The following CDC42 variants were observed in gnomAD, a reference collection of about 807,000 sequenced individuals.
The protein encoded by CDC42 is cell division cycle 42.
Under a neutral mutation model 20.8 loss-of-function variants are expected in CDC42, and 1 was observed. That is an observed-to-expected ratio of 0.05 (90% CI 0.02 to 0.23). The LOEUF (loss-of-function observed/expected upper bound fraction) is 0.23, where lower values mean the gene tolerates loss of function less well. Ranked by LOEUF, CDC42 falls within the 10% of genes least tolerant of loss-of-function variation. The probability of loss-of-function intolerance (pLI) is 1.00; values close to 1 mark genes in which losing one functional copy is unlikely to be tolerated. For missense variants in CDC42, 49 were observed against 227.9 expected, an observed-to-expected ratio of 0.21 and a Z score of 5.05; for synonymous variants, 72 against 84.8, an observed-to-expected ratio of 0.85 and a Z score of 0.83.
intron 1 of CDC42, chr1:22,059,381 C>G (rs1645338197): frequency 6.6e-6 from 1 of 152,130 alleles, no homozygotes; most frequent in Non-Finnish European, 1.5e-5. Flanking sequence ...TAGGATAATT[C>G]ATATTCATTA....
At chr1:22,065,072 G>C (rs1295460719) in intron 1 of CDC42, among the ~76,000 whole-genome samples, 1 of 152,224 alleles carries the variant, frequency 6.6e-6, no homozygotes, top group Non-Finnish European at 1.5e-5. Context: ...GACAACCTGT[G>C]ATGGTGATAC....
At chr1:22,084,349 T>G (rs945488377) in intron 3 of CDC42, among the ~76,000 whole-genome samples, 3 of 149,342 alleles carry the variant, frequency 2.0e-5, no homozygotes, top group African/African-American at 7.4e-5. Context: ...TTTTTTTTTT[T>G]TTTTTTTTTT....
intron 1 of CDC42, among the ~76,000 whole-genome samples, chr1:22,074,407 A>G (rs887507076): frequency 6.6e-6 from 1 of 152,102 alleles, no homozygotes; most frequent in African/African-American, 2.4e-5. Context: ...CAGAATGGTA[A>G]TTGTTTCTAT....
intron 1 of CDC42, among the ~76,000 whole-genome samples, chr1:22,072,464 A>G (rs571075566): frequency 1.3e-5 from 2 of 152,068 alleles, no homozygotes; most frequent in Admixed American, 6.6e-5. Flanking sequence ...GAAGAGATAC[A>G]TAGGGCACGG....
intron 1 of CDC42, among the ~76,000 whole-genome samples, chr1:22,055,410 G>A (rs1213403920): frequency 6.7e-6 from 1 of 149,346 alleles, no homozygotes; most frequent in African/African-American, 2.5e-5. Context: ...ATACCTGTCC[G>A]TATTAAACTT....
At chr1:22,081,897 C>G in intron 3 of CDC42, 103 bp downstream of exon 3, 1 of 737,916 alleles carries the variant, frequency 1.4e-6, no homozygotes, top group Non-Finnish European at 2.3e-6. Flanking sequence ...AAAGTACTTG[C>G]CTTTTGTTAT....
At chr1:22,083,368 T>G (rs2124025294) in intron 3 of CDC42, among the ~76,000 whole-genome samples, 1 of 151,996 alleles carries the variant, frequency 6.6e-6, no homozygotes, top group East Asian at 1.9e-4. Context: ...TTTGGGAGGC[T>G]GAGACAGGCA....
chr1:22,100,566 G>A lies in CDC42; in HGVS notation c.*9049G>A, dbSNP rs898682371. On this transcript the variant is annotated 3_prime_UTR_variant, in exon 6 of 6. Coordinates refer to ENST00000656825, the MANE Select transcript of CDC42 (RefSeq NM_001791.4). ...GTGAGAGTGACATGAATTGCTATAT[G>A]TGAGGTTCTTAGCATAGTGCCTGGC... The A allele has an allele frequency of 1.3e-5, 2 of 152,230 alleles. No individual in the cohort carries two copies. Among genetic ancestry groups the A allele is most frequent in the African/African-American group, 4.8e-5 (2 of 41,450 alleles). The allele number at this position is 152,230 out of a possible 1,614,324, so 9.4% of individuals were successfully genotyped here.
At chr1:22,059,819 C>A (rs1257721985) in intron 1 of CDC42, 1 of 152,218 alleles carries the variant, frequency 6.6e-6, no homozygotes, top group Non-Finnish European at 1.5e-5. Flanking sequence ...GCTGGGATTA[C>A]AGGCGTGAGC....
intron 1 of CDC42, among the ~76,000 whole-genome samples, chr1:22,055,820 C>T (rs1165078383): frequency 2.1e-5 from 3 of 140,774 alleles, no homozygotes; most frequent in East Asian, 2.1e-4. Flanking sequence ...ACTAGTTGTG[C>T]TTTTATTTAT....
At position 22,062,061 on chromosome 1, in the gene CDC42, G is replaced by A. The variant is rs576847522; in HGVS notation, c.-51+9319G>A. On this transcript the variant is annotated intron_variant, in intron 1 of 5. Transcript: ENST00000656825. ...TCAAGCAATTCTGCCTCAGCCTCCC[G>A]AGTAGCTGGGACTACAGGCATGTGC... Among the ~76,000 whole-genome samples, 6 of 152,036 alleles carry A rather than the reference G, an allele frequency of 3.9e-5. No homozygotes were observed. The South Asian group carries it at 6.2e-4, about 16-fold the overall frequency.
chr1:22,091,791 G>GTT lies in CDC42; in HGVS notation c.*275_*276insTT, dbSNP rs150558595. 3,318 of 77,636 alleles carry GTT rather than the reference G, an allele frequency of 0.043. 172 individuals carry two copies. The highest frequency in any genetic ancestry group is 0.081 in the South Asian group (137 of 1,698). 4.8% of individuals were successfully genotyped at this position (77,636 alleles called of 1,614,324 possible). A position where few individuals can be genotyped will look rare whatever the true frequency, so the allele number is the denominator to read the frequency against. On this transcript the variant is annotated 3_prime_UTR_variant, in exon 6 of 6. Transcript: ENST00000656825. ...TCAAAAAAAAAATTTTTGTGTGTGT[G>GTT]TGTTTTTTTTTTTTTTTTTTTTGTT...
chr1:22,070,938 G>T (rs1193534276), intron 1 of CDC42, among the ~76,000 whole-genome samples: 1 of 151,792 alleles, frequency 6.6e-6, no homozygotes, highest in African/African-American at 2.4e-5. Flanking sequence ...GCTGGCAAGT[G>T]TATCCTTTCT....
intron 3 of CDC42, among the ~76,000 whole-genome samples, chr1:22,082,254 A>T (rs559338461): frequency 1.3e-5 from 2 of 151,958 alleles, no homozygotes; most frequent in East Asian, 3.9e-4. Context: ...TACAGTATTT[A>T]TTATTATTAC....
chr1:22,068,096 T>C (rs1442582650), intron 1 of CDC42, among the ~76,000 whole-genome samples: 1 of 152,018 alleles, frequency 6.6e-6, no homozygotes, highest in Non-Finnish European at 1.5e-5. Context: ...ACAAAAAAAA[T>C]CTTTAGGAAA....
intron 5 of CDC42, chr1:22,090,333 C>G (rs1382012608): frequency 9.3e-7 from 1 of 1,075,718 alleles, no homozygotes; most frequent in Non-Finnish European, 1.1e-6. Flanking sequence ...AGAATGTCCT[C>G]TTGGAGAAAA....
chr1:22,060,529 C>T (rs574669194), intron 1 of CDC42, among the ~76,000 whole-genome samples: 4 of 152,132 alleles, frequency 2.6e-5, no homozygotes, highest in East Asian at 1.9e-4. Context: ...AAAGCATAAA[C>T]AAGATTTCAG....
At chr1:22,062,269 T>G (rs527864463) in intron 1 of CDC42, among the ~76,000 whole-genome samples, 9 of 152,352 alleles carry the variant, frequency 5.9e-5, no homozygotes, top group African/African-American at 2.2e-4. Context: ...TTGTGGTTTA[T>G]AAGACAAATT....
At chr1:22,055,210 C>T (rs1005242021) in intron 1 of CDC42, among the ~76,000 whole-genome samples, 4 of 151,504 alleles carry the variant, frequency 2.6e-5, no homozygotes, top group East Asian at 1.9e-4. Context: ...GCCTCGTCCC[C>T]GCAAAGTGCT....
Sources: allele counts gnomAD v4.1 joint callset (sites outside exome capture counted in the v4.1 genomes callset), GRCh38; gene constraint gnomAD v4.1.1; transcripts MANE v1.5; gene names NCBI Gene and HGNC (gene_info 2026-07-23, HGNC 2026-07-21).